The following NHSL3 variants were observed in gnomAD, a reference collection of about 807,000 sequenced individuals.
The protein encoded by NHSL3 is NHS-like protein 3.
At chr1:32,771,503 C>T in the NHSL3 span, 6 of 1,590,608 alleles carry the variant, frequency 3.8e-6, no homozygotes, top group Non-Finnish European at 5.1e-6. Context: ...CCCCCACCCC[C>T]TGCCCCTGAG....
At chr1:32,758,464 C>T in the NHSL3 span, among the ~76,000 whole-genome samples, 2 of 152,198 alleles carry the variant, frequency 1.3e-5, no homozygotes, top group East Asian at 3.9e-4. Context: ...TTGGTAGGTT[C>T]CACAGCTGGA....
the NHSL3 span, chr1:32,742,189 G>C: frequency 8.0e-7 from 1 of 1,248,546 alleles, no homozygotes. Context: ...CAAAGGCCGA[G>C]GTAAGGCGGT....
chr1:32,753,766 C>T, the NHSL3 span, among the ~76,000 whole-genome samples: 2 of 152,234 alleles, frequency 1.3e-5, no homozygotes, highest in African/African-American at 4.8e-5. Context: ...GCGGTAGCCT[C>T]TGGGCTGAGA....
chr1:32,772,295 C>CCCCGTAAA, the NHSL3 span: 2 of 1,605,846 alleles, frequency 1.2e-6, no homozygotes, highest in Non-Finnish European at 8.5e-7. Context: ...CCCGCCTCCC[C>CCCCGTAAA]CAGTTACCCT....
At chr1:32,759,251 C>T in the NHSL3 span, among the ~76,000 whole-genome samples, 64 of 152,152 alleles carry the variant, frequency 4.2e-4, no homozygotes, top group Non-Finnish European at 7.8e-4. Flanking sequence ...GACTGAGGCC[C>T]AGAGAGGCCA....
chr1:32,768,984 C>T, the NHSL3 span: 3 of 553,238 alleles, frequency 5.4e-6, no homozygotes, highest in Non-Finnish European at 9.0e-6. Context: ...GGTGCGGTGG[C>T]TCACGCCTGT....
chr1:32,763,796 AC>A, the NHSL3 span, among the ~76,000 whole-genome samples: 1 of 151,056 alleles, frequency 6.6e-6, no homozygotes, highest in African/African-American at 2.4e-5. Flanking sequence ...CTGGTCTCAA[AC>A]TCCTGACCTC....
chr1:32,752,901 GCACA>G, the NHSL3 span, among the ~76,000 whole-genome samples: 235 of 71,632 alleles, frequency 3.3e-3, 3 homozygotes, highest in African/African-American at 0.013. Context: ...AAAAAAACAT[GCACA>G]CACACACACA....
chr1:32,750,182 C>T, the NHSL3 span, among the ~76,000 whole-genome samples: 2 of 152,316 alleles, frequency 1.3e-5, no homozygotes, highest in Non-Finnish European at 2.9e-5. Flanking sequence ...GTCCCTGCAG[C>T]TTCCTTGGTT....
At chr1:32,771,650 CT>C in the NHSL3 span, 1 of 1,612,148 alleles carries the variant, frequency 6.2e-7, no homozygotes, top group Non-Finnish European at 8.5e-7. Flanking sequence ...TCAGCTACTG[CT>C]TTGCAGATTC....
chr1:32,754,136 T>C, the NHSL3 span: 1 of 710,976 alleles, frequency 1.4e-6, no homozygotes, highest in Non-Finnish European at 2.6e-6. Context: ...GGTCCCCGGG[T>C]CCGCAGCTTC....
the NHSL3 span, chr1:32,767,926 C>T: frequency 1.9e-6 from 3 of 1,613,844 alleles, no homozygotes; most frequent in East Asian, 2.2e-5. Flanking sequence ...ACACTCAGGC[C>T]CAGGAGGGGC....
At chr1:32,743,416 G>A in the NHSL3 span, among the ~76,000 whole-genome samples, 14 of 152,324 alleles carry the variant, frequency 9.2e-5, no homozygotes, top group African/African-American at 3.1e-4. Context: ...ACACATAGAA[G>A]TGAGGGTGCT....
chr1:32,772,586 G>T, the NHSL3 span: 1 of 1,355,634 alleles, frequency 7.4e-7, no homozygotes. Flanking sequence ...ACCCTTGCTG[G>T]GGCCCAGAGG....
the NHSL3 span, chr1:32,754,132 C>T: frequency 1.4e-6 from 1 of 711,636 alleles, no homozygotes; most frequent in Non-Finnish European, 2.6e-6. Context: ...CAGCGGTCCC[C>T]GGGTCCGCAG....
At chr1:32,744,924 G>A in the NHSL3 span, among the ~76,000 whole-genome samples, 3 of 151,876 alleles carry the variant, frequency 2.0e-5, no homozygotes, top group Non-Finnish European at 1.5e-5. Context: ...TCAGGAGTTC[G>A]AGACCAGCCT....
the NHSL3 span, chr1:32,772,958 G>A: frequency 3.4e-6 from 5 of 1,470,398 alleles, no homozygotes; most frequent in Non-Finnish European, 4.8e-6. Flanking sequence ...GCAGCTCCAA[G>A]GACGAGAGGA....
the NHSL3 span, among the ~76,000 whole-genome samples, chr1:32,747,878 G>A: frequency 6.6e-6 from 1 of 152,020 alleles, no homozygotes; most frequent in Non-Finnish European, 1.5e-5. Context: ...GGGCCAAGGC[G>A]GGAGGGGATC....
chr1:32,746,749 G>A, the NHSL3 span, among the ~76,000 whole-genome samples: 1 of 152,164 alleles, frequency 6.6e-6, no homozygotes, highest in Non-Finnish European at 1.5e-5. Flanking sequence ...CAATGACGGA[G>A]CCACTCAGTC....
Sources: gnomAD v4.1 joint callset for allele counts (sites outside exome capture counted in the v4.1 genomes callset) on GRCh38, gnomAD v4.1.1 for gene constraint, MANE v1.5 for transcripts, NCBI Gene and HGNC (gene_info 2026-07-23, HGNC 2026-07-21) for gene names.